OTOGL: variants seen among roughly 807,000 people sequenced by gnomAD.
OTOGL encodes otogelin like.
OTOGL carries 285 observed loss-of-function variants against 318.5 expected under a neutral mutation model. The ratio of observed to expected loss-of-function variants is 0.89; its 90% CI spans 0.81 to 0.99. The LOEUF is 0.99. Ranked by LOEUF, OTOGL falls within the 50% of genes least tolerant of loss-of-function variation. The pLI, the probability that OTOGL is intolerant of heterozygous loss-of-function variation, is 0.00. For synonymous variants in OTOGL, 987 were observed against 936.5 expected, an observed-to-expected ratio of 1.05 and a Z score of -0.99; for missense variants, 2,899 against 2,845.6, an observed-to-expected ratio of 1.02 and a Z score of -0.43.
intron 27 of OTOGL, among the ~76,000 whole-genome samples, chr12:80,297,344 T>C (rs1245408529): frequency 2.0e-5 from 3 of 151,414 alleles, no homozygotes; most frequent in Non-Finnish European, 4.4e-5. Context: ...TTTTTTTTTT[T>C]TTTTTGAGAC....
At chr12:80,358,570 T>C in intron 50 of OTOGL, 101 bp from the exon 51 acceptor site, 6 of 989,676 alleles carry the variant, frequency 6.1e-6, no homozygotes, top group Non-Finnish European at 9.0e-6. Context: ...TTGGGAAATA[T>C]GAATCCATGC....
At chr12:80,192,006 A>G (rs552883105) in intron 1 of OTOGL, among the ~76,000 whole-genome samples, 1 of 152,340 alleles carries the variant, frequency 6.6e-6, no homozygotes, top group East Asian at 1.9e-4. Context: ...CCTTAGAAGA[A>G]TCGTATTTTC....
rs373665405 is a variant in OTOGL, at chr12:80,320,645, A to T, written c.4026A>T (p.Ala1342=). 3.1e-6 allele frequency: 5 copies of T among 1,609,198 alleles called. No individual in the cohort carries two copies. The highest frequency in any genetic ancestry group is 2.2e-5 in the East Asian group (1 of 44,828). Residue 1342 remains alanine (A), a synonymous_variant, in exon 34 of 59, where the codon GCA becomes GCT. Transcript: ENST00000547103. ...FIIFTDSSVK[A]SKYDDSEEFK... ...TATTCACAGATTCTAGTGTCAAAGCATCAAAATATGATGATTCTGAAGAAT... is the reference window on the plus strand; with the variant it reads ...TATTCACAGATTCTAGTGTCAAAGCTTCAAAATATGATGATTCTGAAGAAT...
intron 27 of OTOGL, among the ~76,000 whole-genome samples, chr12:80,297,490 G>A (rs1304917290): frequency 2.6e-5 from 4 of 151,790 alleles, no homozygotes; most frequent in South Asian, 4.2e-4. Context: ...ACGCCACCAC[G>A]CCTGGCTAAT....
intron 4 of OTOGL, among the ~76,000 whole-genome samples, chr12:80,215,621 T>C (rs1877645967): frequency 6.6e-6 from 1 of 152,178 alleles, no homozygotes; most frequent in Non-Finnish European, 1.5e-5. Context: ...TTCAAGGCGA[T>C]AGGCCCTATA....
At chr12:80,260,432 ATCTG>A (rs1882433469) in intron 18 of OTOGL, among the ~76,000 whole-genome samples, 1 of 152,072 alleles carries the variant, frequency 6.6e-6, no homozygotes, top group African/African-American at 2.4e-5. Context: ...GAGTCGGCAG[ATCTG>A]TCTGCCTCTT....
intron 43 of OTOGL, 59 bp downstream of exon 43, chr12:80,339,323 T>TTC (rs1491081796): frequency 7.6e-7 from 1 of 1,316,208 alleles, no homozygotes; most frequent in Non-Finnish European, 1.0e-6. Context: ...TTTTTTTTTT[T>TTC]CTATTCACGC....
chr12:80,129,356 CT>C (rs1335951316), intron 1 of OTOGL, among the ~76,000 whole-genome samples: 1 of 152,070 alleles, frequency 6.6e-6, no homozygotes, highest in African/African-American at 2.4e-5. Flanking sequence ...ATACTTTGGC[CT>C]TTTTGTGTTT....
At chr12:80,200,281 G>A (rs1876368704) in intron 1 of OTOGL, among the ~76,000 whole-genome samples, 1 of 152,310 alleles carries the variant, frequency 6.6e-6, no homozygotes, top group East Asian at 1.9e-4. Flanking sequence ...TTCCTAAGAT[G>A]TGAAATAGTG....
chr12:80,187,830 A>T (rs1875398659), intron 1 of OTOGL, among the ~76,000 whole-genome samples: 1 of 152,168 alleles, frequency 6.6e-6, no homozygotes, highest in African/African-American at 2.4e-5. Context: ...ACCATCTTTG[A>T]TTAGGAGCTA....
At chr12:80,332,026 A>G (rs1215027973) in intron 37 of OTOGL, among the ~76,000 whole-genome samples, 1 of 152,192 alleles carries the variant, frequency 6.6e-6, no homozygotes, top group Non-Finnish European at 1.5e-5. Context: ...AAGTCCAGAT[A>G]GTTCATAGAA....
Position 80,241,788 on chromosome 12 carries a change from G to T in OTOGL, c.1052+2349G>T, listed in dbSNP as rs1880401021. ...TACATAAAAATCCATGCCGGTTAGT[G>T]GTCTTGGATTGGCATCGTGGCTCTG... On this transcript the variant is annotated intron_variant, in intron 11 of 58. Coordinates refer to ENST00000547103, the MANE Select transcript of OTOGL (RefSeq NM_001378609.3). Among the ~76,000 whole-genome samples, 3 of 152,222 alleles carry T rather than the reference G, an allele frequency of 2.0e-5. No individual in the cohort carries two copies. In the South Asian group the frequency reaches 6.2e-4, roughly 32 times the overall value.
In OTOGL at chr12:80,369,413, G is replaced by A. The variant is rs536609590; in HGVS notation, c.6615+1104G>A. 9.2e-5 allele frequency among the ~76,000 whole-genome samples: 14 copies of A among 152,122 alleles called. No individual in the cohort carries two copies. In the South Asian group the frequency reaches 1.7e-3, roughly 18 times the overall value. On this transcript the variant is annotated intron_variant, in intron 55 of 58. Coordinates refer to ENST00000547103, the MANE Select transcript of OTOGL (RefSeq NM_001378609.3). ...AAGCCTGTGTTTTCCCAGGTTAAAT[G>A]GTTGACTATTTAGGACATGCTTACA...
intron 1 of OTOGL, among the ~76,000 whole-genome samples, chr12:80,169,809 C>G (rs1009252245): frequency 6.6e-6 from 1 of 152,186 alleles, no homozygotes; most frequent in African/African-American, 2.4e-5. Flanking sequence ...TATCACTTAG[C>G]AGGACACATC....
chr12:80,261,886 A>C, intron 18 of OTOGL, 83 bp from the exon 19 acceptor site: 1 of 1,446,060 alleles, frequency 6.9e-7, no homozygotes, highest in African/African-American at 1.4e-5. Context: ...TATGAAAAAT[A>C]GTATTCTCTT....
rs79375988 is a variant in OTOGL, at chr12:80,182,922, G to A, written c.-19-26491G>A. Among the ~76,000 whole-genome samples the A allele has an allele frequency of 6.5e-4, 99 of 152,258 alleles. 1 individual carries two copies. In the East Asian group the frequency reaches 0.018, roughly 28 times the overall value. On this transcript the variant is annotated intron_variant, in intron 1 of 58. Coordinates refer to ENST00000547103, the MANE Select transcript of OTOGL (RefSeq NM_001378609.3). ...GCTTAGAGAGAAAGTCTAGAATCAG[G>A]GAAACCCAAGGCTGCTGATAGCCCA...
At chr12:80,331,575 A>G (rs1435844588) in intron 37 of OTOGL, among the ~76,000 whole-genome samples, 3 of 151,920 alleles carry the variant, frequency 2.0e-5, no homozygotes, top group Non-Finnish European at 2.9e-5. Flanking sequence ...CCGGGCCTCA[A>G]ATGATCTTCT....
intron 19 of OTOGL, among the ~76,000 whole-genome samples, chr12:80,263,089 T>A (rs1010709779): frequency 6.6e-6 from 1 of 152,186 alleles, no homozygotes; most frequent in Admixed American, 6.5e-5. Context: ...CTGTCTTTTT[T>A]AAATCTAAGC....
chr12:80,165,583 C>G (rs568522176), intron 1 of OTOGL, among the ~76,000 whole-genome samples: 2 of 152,292 alleles, frequency 1.3e-5, no homozygotes, highest in African/African-American at 4.8e-5. Flanking sequence ...AGCTCTGTTT[C>G]TTCTGTCTTC....
Sources: gnomAD v4.1 joint callset for allele counts (sites outside exome capture counted in the v4.1 genomes callset) on GRCh38, gnomAD v4.1.1 for gene constraint, MANE v1.5 for transcripts, NCBI Gene and HGNC (gene_info 2026-07-23, HGNC 2026-07-21) for gene names.